CDR2L: variants seen among roughly 807,000 people sequenced by gnomAD.
CDR2L encodes the protein cerebellar degeneration-related protein 2-like.
A neutral mutation model predicts 36.1 loss-of-function variants in CDR2L; 19 were observed. That is an observed-to-expected ratio of 0.53 (90% CI 0.37 to 0.77). The LOEUF (loss-of-function observed/expected upper bound fraction) is 0.77, where lower values mean the gene tolerates loss of function less well. CDR2L is among the 30% of genes least tolerant of loss of function. The probability of loss-of-function intolerance (pLI) is 0.00; values close to 1 mark genes in which losing one functional copy is unlikely to be tolerated. For synonymous variants in CDR2L, 285 were observed against 280.4 expected, an observed-to-expected ratio of 1.02 and a Z score of -0.16; for missense variants, 575 against 627.2, an observed-to-expected ratio of 0.92 and a Z score of 0.89.
At chr17:74,999,430 C>T in intron 1 of CDR2L, 74 bp from the exon 2 acceptor site, 3 of 1,024,856 alleles carry the variant, frequency 2.9e-6, no homozygotes, top group South Asian at 1.5e-5. Flanking sequence ...ATTGGGGTCA[C>T]CTAGAGTAGA....
In CDR2L at chr17:74,989,357, C is replaced by G. The variant is rs1289502981; in HGVS notation, c.79+1235C>G. On this transcript the variant is annotated intron_variant, in intron 1 of 4. Transcript: ENST00000337231. This position sits in a 1 kb window ranked among gnomAD's most constrained non-coding sequence, Gnocchi z 4.2. Reference sequence around the variant, plus strand: ...GGACTAGGCCCTGCCATGGTCTGTGCCCTGGACTCTGGCCTCAGCCTCCTT... The same window carrying G: ...GGACTAGGCCCTGCCATGGTCTGTGGCCTGGACTCTGGCCTCAGCCTCCTT... Among the ~76,000 whole-genome samples the G allele has an allele frequency of 6.6e-6, 1 of 150,690 alleles. No individual in the cohort carries two copies. Among genetic ancestry groups the G allele is most frequent in the East Asian group, 2.0e-4 (1 of 5,054 alleles).
At chr17:75,001,651 G>T (rs2039867914) in intron 3 of CDR2L, among the ~76,000 whole-genome samples, 162 bp downstream of exon 3, 4 of 152,202 alleles carry the variant, frequency 2.6e-5, no homozygotes, top group Admixed American at 2.0e-4. Context: ...TTAACATTCA[G>T]GCCGCAACCT....
chr17:75,000,348 A>G lies in CDR2L; in HGVS notation c.192+732A>G, dbSNP rs550388567. 5.8e-5 allele frequency among the ~76,000 whole-genome samples: 6 copies of G among 103,814 alleles called. No homozygotes were observed. In the South Asian group the frequency reaches 2.0e-3, roughly 35 times the overall value. The allele number at this position is 103,814 out of a possible 152,430, so 68.1% of individuals were successfully genotyped here. On this transcript the variant is annotated intron_variant, in intron 2 of 4. Transcript: ENST00000337231. ...AGTCTCACTCTGTCACCCAGGCTGG[A>G]GTGCAGTGGCGCGATCTGGGCTCAC...
chr17:74,989,519 C>G lies in CDR2L; in HGVS notation c.79+1397C>G, dbSNP rs1017822010. ...TTCCATGAACACCTATTAGGCTCCC[C>G]TTAAGTACCAGACACCATCCTGGGA... On this transcript the variant is annotated intron_variant, in intron 1 of 4. Transcript: ENST00000337231. The surrounding 1 kb of genome is among the most constrained non-coding windows in gnomAD (Gnocchi z 4.2). Among the ~76,000 whole-genome samples the G allele has an allele frequency of 6.6e-6, 1 of 152,000 alleles. No individual in the cohort carries two copies. Among genetic ancestry groups the G allele is most frequent in the Non-Finnish European group, 1.5e-5 (1 of 68,000 alleles).
In CDR2L at chr17:74,989,740, C is replaced by A. The variant is rs1032899597; in HGVS notation, c.79+1618C>A. ...TGCGATCTCAGCTCACTGCAACCTC[C>A]ATCTCCCGGGTTCAAGTGATTCTCC... On this transcript the variant is annotated intron_variant, in intron 1 of 4. Coordinates refer to ENST00000337231, the MANE Select transcript of CDR2L (RefSeq NM_014603.3). The surrounding 1 kb of genome is among the most constrained non-coding windows in gnomAD (Gnocchi z 4.2). Among the ~76,000 whole-genome samples the A allele has an allele frequency of 1.3e-5, 2 of 152,132 alleles. No homozygotes were observed. The highest frequency in any genetic ancestry group is 4.8e-5 in the African/African-American group (2 of 41,410).
At chr17:74,997,627 G>A (rs892415205) in intron 1 of CDR2L, among the ~76,000 whole-genome samples, 1 of 152,104 alleles carries the variant, frequency 6.6e-6, no homozygotes, top group African/African-American at 2.4e-5. Context: ...GGTGGCTCAC[G>A]CCTGTAATAC....
intron 1 of CDR2L, among the ~76,000 whole-genome samples, chr17:74,990,370 T>C (rs754402967): frequency 2.0e-5 from 3 of 152,212 alleles, no homozygotes; most frequent in Non-Finnish European, 2.9e-5. Flanking sequence ...AACTGGAGCT[T>C]CCTGCCAAAA....
chr17:74,995,849 C>T (rs546815686), intron 1 of CDR2L, among the ~76,000 whole-genome samples: 4 of 152,206 alleles, frequency 2.6e-5, no homozygotes, highest in African/African-American at 9.6e-5. Flanking sequence ...TTTTTTTACA[C>T]CAATCATGCC....
At position 74,989,747 on chromosome 17, in the gene CDR2L, C is replaced by T. The variant is rs1234391652; in HGVS notation, c.79+1625C>T. 2.0e-5 allele frequency among the ~76,000 whole-genome samples: 3 copies of T among 152,196 alleles called. No individual in the cohort carries two copies. Among genetic ancestry groups the T allele is most frequent in the East Asian group, 1.9e-4 (1 of 5,184 alleles). On this transcript the variant is annotated intron_variant, in intron 1 of 4. Coordinates refer to ENST00000337231, the MANE Select transcript of CDR2L (RefSeq NM_014603.3). This position sits in a 1 kb window ranked among gnomAD's most constrained non-coding sequence, Gnocchi z 4.2. Reference sequence around the variant, plus strand: ...TCAGCTCACTGCAACCTCCATCTCCCGGGTTCAAGTGATTCTCCTGCCTCA... The same window carrying T: ...TCAGCTCACTGCAACCTCCATCTCCTGGGTTCAAGTGATTCTCCTGCCTCA...
rs2039797437 is a variant in CDR2L, at chr17:74,991,593, T to C, written c.79+3471T>C. Among the ~76,000 whole-genome samples, 3 of 151,422 alleles carry C rather than the reference T, an allele frequency of 2.0e-5. No homozygotes were observed. The South Asian group carries it at 6.3e-4, about 32-fold the overall frequency. On this transcript the variant is annotated intron_variant, in intron 1 of 4. Transcript: ENST00000337231. ...TTAGCCGGGCGCGGTGGCGGGCGCC[T>C]GTAGTCCCAGCTACTCGGGAGGCTG...
In CDR2L at chr17:74,987,948, G is replaced by C; in HGVS notation, c.-96G>C. ...GGGCTCTGTAGCCCGAGTTCCCGAC[G>C]CTGGAGGCCCGGCCCGCCTCAGCCG... On this transcript the variant is annotated 5_prime_UTR_variant, in exon 1 of 5. Transcript: ENST00000337231. 3 of 577,460 alleles carry C rather than the reference G, an allele frequency of 5.2e-6. No individual in the cohort carries two copies. The allele number at this position is 577,460 out of a possible 1,614,324, so 35.8% of individuals were successfully genotyped here. A position where few individuals can be genotyped will look rare whatever the true frequency, so the allele number is the denominator to read the frequency against.
intron 1 of CDR2L, among the ~76,000 whole-genome samples, chr17:74,998,532 A>AG (rs2039844889): frequency 6.6e-6 from 1 of 151,972 alleles, no homozygotes; most frequent in South Asian, 2.1e-4. Flanking sequence ...GAAAAAAAAA[A>AG]CTGCCCCATG....
rs2039889801 is a variant in CDR2L at position 75,004,236 on chromosome 17, A to T, written c.*162A>T. 3 of 642,432 alleles carry T rather than the reference A, an allele frequency of 4.7e-6. No individual in the cohort carries two copies. The highest frequency in any genetic ancestry group is 7.9e-6 in the Non-Finnish European group (3 of 380,516). The allele number at this position is 642,432 out of a possible 1,614,324, so 39.8% of individuals were successfully genotyped here. A position where few individuals can be genotyped will look rare whatever the true frequency, so the allele number is the denominator to read the frequency against. On this transcript the variant is annotated 3_prime_UTR_variant, in exon 5 of 5. Transcript: ENST00000337231. Reference sequence around the variant, plus strand: ...AGCATGTTCCCTGCTGAGCGGAGGCAGCCCACCTGTCCTGCCTCCCAGGAG... The same window carrying T: ...AGCATGTTCCCTGCTGAGCGGAGGCTGCCCACCTGTCCTGCCTCCCAGGAG...
At position 74,987,779 on chromosome 17, in the gene CDR2L, C is replaced by A; in HGVS notation, c.-265C>A. The A allele has an allele frequency of 4.9e-6, 1 of 203,890 alleles. No homozygotes were observed. The highest frequency in any genetic ancestry group is 6.0e-5 in the Admixed American group (1 of 16,754). 12.6% of individuals were successfully genotyped at this position (203,890 alleles called of 1,614,324 possible). ...CGGATCCTCCTTGCCACTGTCCCAC[C>A]CGCCGTCCCTGCCACTCCACCCTTT... On this transcript the variant is annotated 5_prime_UTR_variant, in exon 1 of 5. Transcript: ENST00000337231.
intron 1 of CDR2L, among the ~76,000 whole-genome samples, chr17:74,990,697 G>A (rs1429690063): frequency 6.6e-6 from 1 of 152,230 alleles, no homozygotes. Flanking sequence ...GGGGCTGAAG[G>A]AAGCATCAGA....
chr17:75,002,119 G>C lies in CDR2L; in HGVS notation c.397G>C (p.Val133Leu), dbSNP rs754598550. The change falls in exon 4 of 5, where the codon GTG becomes CTG. Residue 133 changes from valine (V) to leucine (L), a missense_variant. Val to Leu is a conservative substitution (Grantham distance 32). Transcript: ENST00000337231. The surrounding 1 kb of genome is among the most constrained non-coding windows in gnomAD (Gnocchi z 4.1). Reference protein sequence around the residue: ...QAQVEELQAQVEQLRGLEQLR... With the variant: ...QAQVEELQAQLEQLRGLEQLR... ...TCAGGTGGAGGAGCTGCAGGCCCAG[G>C]TGGAGCAACTGAGAGGCCTGGAACA... The C allele has an allele frequency of 6.2e-7, 1 of 1,602,502 alleles. No homozygotes were observed. Among genetic ancestry groups the C allele is most frequent in the Non-Finnish European group, 8.5e-7 (1 of 1,175,360 alleles).
At chr17:74,994,200 T>G (rs1310105240) in intron 1 of CDR2L, among the ~76,000 whole-genome samples, 1 of 152,210 alleles carries the variant, frequency 6.6e-6, no homozygotes, top group Non-Finnish European at 1.5e-5. Context: ...CTAGGAAACT[T>G]TCTGTCCGGG....
At chr17:74,994,111 A>G (rs1446227526) in intron 1 of CDR2L, among the ~76,000 whole-genome samples, 2 of 152,106 alleles carry the variant, frequency 1.3e-5, no homozygotes. Flanking sequence ...CTTTTCAAAG[A>G]CATCCCTTGG....
chr17:75,001,472 C>G lies in CDR2L; in HGVS notation c.324C>G (p.Ala108=), dbSNP rs769643628. The G allele has an allele frequency of 1.3e-6, 2 of 1,576,470 alleles. No individual in the cohort carries two copies. Among genetic ancestry groups the G allele is most frequent in the South Asian group, 2.3e-5 (2 of 85,468 alleles). ...GGCTGGTGCTGGAGAGTAAGGCTGC[C>G]CAGCAGAAGATCCATGGGTGAGGGC... ...NHRLVLESKA[A]QQKIHGLTET... Residue 108 remains alanine, a synonymous_variant, in exon 3 of 5, where the codon GCC becomes GCG. Transcript: ENST00000337231.
Sources: gnomAD v4.1 joint callset for allele counts (sites outside exome capture counted in the v4.1 genomes callset) on GRCh38, gnomAD v4.1.1 for gene constraint, Gnocchi (gnomAD v3.1) non-coding constraint, MANE v1.5 for transcripts, NCBI Gene and HGNC (gene_info 2026-07-23, HGNC 2026-07-21) for gene names.